Variants in TXNRD2 observed in about 807,000 individuals in gnomAD.
The protein encoded by TXNRD2 is thioredoxin reductase 2.
Under a neutral mutation model 70.8 loss-of-function variants are expected in TXNRD2, and 67 were observed. That is an observed-to-expected ratio of 0.95 (90% CI 0.78 to 1.16). TXNRD2 has a LOEUF of 1.16. Ranked by LOEUF, TXNRD2 falls within the 50% of genes most tolerant of loss-of-function variation. The pLI is 0.00. For missense variants in TXNRD2, 644 were observed against 719.9 expected, an observed-to-expected ratio of 0.89 and a Z score of 1.21; for synonymous variants, 301 against 295.8, an observed-to-expected ratio of 1.02 and a Z score of -0.18.
intron 1 of TXNRD2, chr22:19,932,435 C>G: frequency 2.5e-6 from 4 of 1,610,826 alleles, no homozygotes; most frequent in Non-Finnish European, 3.4e-6. Context: ...ATCGTGTCTA[C>G]TCTGCAAGCT....
chr22:19,880,240 T>C lies in TXNRD2; in HGVS notation c.1214A>G (p.Tyr405Cys), dbSNP rs934895346. The change falls in exon 14 of 18, where the codon TAT becomes TGT. Residue 405 changes from tyrosine (Y) to cysteine (C), a missense_variant. Transcript: ENST00000400521. ...CTCCTCGGACAGCCCCACACAGCCATACTCCAGCGGGGTGAAGACGGTCGT... is the reference window on the plus strand; with the variant it reads ...CTCCTCGGACAGCCCCACACAGCCACACTCCAGCGGGGTGAAGACGGTCGT... ...VPTTVFTPLE[Y>C]GCVGLSEEEA... The C allele has an allele frequency of 6.2e-7, 1 of 1,613,620 alleles. No individual in the cohort carries two copies. Among genetic ancestry groups the C allele is most frequent in the Non-Finnish European group, 8.5e-7 (1 of 1,180,022 alleles).
In TXNRD2 at chr22:19,941,711, C is replaced by T. The variant is rs1377818046; in HGVS notation, c.93G>A (p.Arg31=). The change falls in exon 1 of 18, where the codon CGG becomes CGA. Residue 31 remains arginine, a synonymous_variant. Transcript: ENST00000400521. ...AVAGGVRGAA[R]GAAAGQRDYD... is the part of the protein sequence containing the mutation. ...CCGACCCCATCCTACCTGCTGCGCCCCGCGCCGCGCCCCGCACCCCGCCCG... is the reference window on the plus strand; with the variant it reads ...CCGACCCCATCCTACCTGCTGCGCCTCGCGCCGCGCCCCGCACCCCGCCCG... The T allele has an allele frequency of 2.0e-6, 3 of 1,484,096 alleles. No homozygotes were observed. In the South Asian group the frequency reaches 3.8e-5, roughly 19 times the overall value. 91.9% of individuals were successfully genotyped at this position (1,484,096 alleles called of 1,614,324 possible).
rs1601457300 is a variant in TXNRD2 at position 19,919,700 on chromosome 22, G to A, written c.173-101C>T. 7.6e-6 allele frequency: 9 copies of A among 1,177,882 alleles called. No individual in the cohort carries two copies. The East Asian group carries it at 2.4e-4, about 31-fold the overall frequency. The allele number at this position is 1,177,882 out of a possible 1,614,324, so 73.0% of individuals were successfully genotyped here. ...TGTGAGGTCCAGAAGAGTGTGGGCA[G>A]GGCCTGGGCCTGCGGCTGCCCACAC... On this transcript the variant is annotated intron_variant, in intron 2 of 17. Coordinates refer to ENST00000400521, the MANE Select transcript of TXNRD2 (RefSeq NM_006440.5).
At chr22:19,909,829 C>CCCTTCA (rs1940291129) in intron 8 of TXNRD2, among the ~76,000 whole-genome samples, 2 of 118,388 alleles carry the variant, frequency 1.7e-5, no homozygotes, top group African/African-American at 3.4e-5. Flanking sequence ...ACACCACACA[C>CCCTTCA]CACACACACC....
At chr22:19,898,909 A>G (rs2145979133) in intron 9 of TXNRD2, 140 bp downstream of exon 9, 1 of 1,057,336 alleles carries the variant, frequency 9.5e-7, no homozygotes, top group African/African-American at 1.6e-5. Flanking sequence ...CAGGCACAGT[A>G]GATCCTCCAC....
chr22:19,930,682 T>C (rs1334182618), intron 2 of TXNRD2, among the ~76,000 whole-genome samples: 1 of 151,428 alleles, frequency 6.6e-6, no homozygotes, highest in Non-Finnish European at 1.5e-5. Context: ...CACAGTAAGG[T>C]GAAGGAGAGG....
At chr22:19,932,291 G>T in intron 1 of TXNRD2, 1 of 1,611,614 alleles carries the variant, frequency 6.2e-7, no homozygotes, top group Non-Finnish European at 8.5e-7. Context: ...TGGGCACAGG[G>T]AGAGCTGCCT....
chr22:19,899,827 A>T (rs3788312), intron 8 of TXNRD2, among the ~76,000 whole-genome samples: 16,707 of 152,234 alleles, frequency 0.11, 1,005 homozygotes, highest in East Asian at 0.18. Context: ...ATTCATATAT[A>T]CATATGCACA....
chr22:19,931,203 G>A, intron 1 of TXNRD2, 105 bp from the exon 2 acceptor site: 1 of 995,220 alleles, frequency 1.0e-6, no homozygotes, highest in Non-Finnish European at 1.6e-6. Flanking sequence ...GGTCAGGGGT[G>A]ACAAGACACC....
chr22:19,895,216 TG>T (rs760341712), intron 11 of TXNRD2, 190 bp downstream of exon 11: 1 of 1,597,952 alleles, frequency 6.3e-7, no homozygotes, highest in Non-Finnish European at 8.5e-7. Flanking sequence ...GATGGCAAGA[TG>T]GGCACAGCCT....
intron 1 of TXNRD2, chr22:19,933,493 T>G: frequency 1.6e-6 from 2 of 1,289,634 alleles, no homozygotes; most frequent in South Asian, 2.5e-5. Context: ...TAGGTCATCC[T>G]GCCCTGCAGC....
intron 14 of TXNRD2, among the ~76,000 whole-genome samples, chr22:19,879,219 G>A (rs1051465255): frequency 2.0e-5 from 3 of 152,244 alleles, no homozygotes; most frequent in African/African-American, 4.8e-5. Context: ...TTGATGGAGA[G>A]TTCTGGGGTG....
intron 11 of TXNRD2, among the ~76,000 whole-genome samples, chr22:19,886,994 T>C (rs1178419871): frequency 6.6e-6 from 1 of 152,232 alleles, no homozygotes; most frequent in Non-Finnish European, 1.5e-5. Context: ...TTAGACTCTG[T>C]TCCTTCCTGG....
intron 2 of TXNRD2, among the ~76,000 whole-genome samples, chr22:19,930,007 A>G (rs1439385111): frequency 6.6e-6 from 1 of 152,206 alleles, no homozygotes; most frequent in Non-Finnish European, 1.5e-5. Flanking sequence ...GTGAACGCAC[A>G]GCCCAGGTGC....
At chr22:19,911,073 TAA>T in intron 8 of TXNRD2, 19 of 328,096 alleles carry the variant, frequency 5.8e-5, no homozygotes, top group Non-Finnish European at 7.5e-5. Context: ...AGAATTCACC[TAA>T]AAAAAAAAGC....
chr22:19,879,769 G>A (rs1938676045), intron 14 of TXNRD2, among the ~76,000 whole-genome samples: 1 of 152,140 alleles, frequency 6.6e-6, no homozygotes. Context: ...GTGCTGGAGT[G>A]GGGCCAGTGC....
chr22:19,895,310 A>T (rs1387313509), intron 11 of TXNRD2, 97 bp downstream of exon 11: 2 of 1,599,380 alleles, frequency 1.3e-6, no homozygotes, highest in African/African-American at 2.7e-5. Flanking sequence ...AGCCAGCAGG[A>T]TGGGGGAGCC....
At position 19,898,050 on chromosome 22, in the gene TXNRD2, C is replaced by T. The variant is rs76079250; in HGVS notation, c.763G>A (p.Gly255Ser). The change falls in exon 10 of 18, where the codon GGC becomes AGC. Residue 255 changes from glycine (G) to serine (S), a missense_variant. By Grantham distance (56) the Gly-to-Ser change is moderately conservative. This residue lies in a region of TXNRD2 where 566 missense variants were observed against 645.0 expected (regional missense o/e 0.88). Transcript: ENST00000400521. Reference sequence around the variant, plus strand: ...GCCTCCAGCACTACCTGGTCGAAGCCGCGGAGGGGGATGCTGCGCATCATG... The same window carrying T: ...GCCTCCAGCACTACCTGGTCGAAGCTGCGGAGGGGGATGCTGCGCATCATG... ...TIMMRSIPLR[G>S]FDQQMSSMVI... is the part of the protein sequence containing the mutation. 1.2e-5 allele frequency: 18 copies of T among 1,557,194 alleles called. No individual in the cohort carries two copies. The highest frequency in any genetic ancestry group is 1.4e-5 in the Non-Finnish European group (16 of 1,151,078).
intron 12 of TXNRD2, 106 bp from the exon 13 acceptor site, chr22:19,880,823 T>A: frequency 1.3e-6 from 1 of 747,626 alleles, no homozygotes; most frequent in Admixed American, 2.1e-5. Flanking sequence ...CTTTAGAAAA[T>A]CCCCAACACT....
Sources: allele counts gnomAD v4.1 joint callset (sites outside exome capture counted in the v4.1 genomes callset), GRCh38; gene constraint gnomAD v4.1.1; regional missense constraint gnomAD v4.1.1; transcripts MANE v1.5; gene names NCBI Gene and HGNC (gene_info 2026-07-23, HGNC 2026-07-21).